UBE2D1: variants seen among roughly 807,000 people sequenced by gnomAD.
The protein encoded by UBE2D1 is ubiquitin conjugating enzyme E2 D1.
In UBE2D1, 9 loss-of-function variants were observed where a neutral mutation model predicts 24.6. That is an observed-to-expected ratio of 0.37 (90% CI 0.22 to 0.64). The LOEUF is 0.64. Among genes scored for constraint, UBE2D1 ranks in the 30% least tolerant of loss-of-function variants. The pLI is 0.64. For synonymous variants in UBE2D1, 57 were observed against 57.6 expected (o/e 0.99, Z 0.04); for missense variants, 87 against 177.1 (o/e 0.49, Z 2.89).
intron 4 of UBE2D1, 29 bp from the exon 5 acceptor site, chr10:58,364,742 C>A: frequency 1.3e-6 from 2 of 1,527,880 alleles, no homozygotes; most frequent in South Asian, 2.3e-5. Flanking sequence ...AGGTGATTGT[C>A]ATATTTTGTT....
chr10:58,368,256 A>G (rs1016662469), intron 6 of UBE2D1: 9 of 356,300 alleles, frequency 2.5e-5, no homozygotes, highest in Non-Finnish European at 4.6e-5. Context: ...ATAGATGTAT[A>G]TATTCTAGGT....
intron 1 of UBE2D1, among the ~76,000 whole-genome samples, chr10:58,340,595 T>C (rs528476539): frequency 6.6e-6 from 1 of 152,324 alleles, no homozygotes; most frequent in East Asian, 1.9e-4. Context: ...AATCCTTTAG[T>C]GGAGAGAGTG....
chr10:58,366,980 G>T (rs964408830), intron 5 of UBE2D1, among the ~76,000 whole-genome samples: 1 of 152,006 alleles, frequency 6.6e-6, no homozygotes, highest in Admixed American at 6.6e-5. Flanking sequence ...CTGCCCTGTT[G>T]GTTTAATATA....
At position 58,369,392 on chromosome 10, in the gene UBE2D1, T is replaced by C. The variant is rs769348561; in HGVS notation, c.*627T>C. 6.6e-6 allele frequency: 1 copy of C among 152,536 alleles called. No homozygotes were observed. Among genetic ancestry groups the C allele is most frequent in the Non-Finnish European group, 1.5e-5 (1 of 67,846 alleles). 9.4% of individuals were successfully genotyped at this position (152,536 alleles called of 1,614,324 possible). On this transcript the variant is annotated 3_prime_UTR_variant, in exon 7 of 7. Coordinates refer to ENST00000373910, the MANE Select transcript of UBE2D1 (RefSeq NM_003338.5). The stretch of plus-strand genomic sequence containing the variant: ...ACTGTAATTCTCAGCATACTGATTA[T>C]GGAGAAACACTTGTTTTGATTTTGT...
At chr10:58,348,243 A>G (rs946527001) in intron 1 of UBE2D1, among the ~76,000 whole-genome samples, 1 of 152,222 alleles carries the variant, frequency 6.6e-6, no homozygotes, top group Non-Finnish European at 1.5e-5. Context: ...TCACAGGCTT[A>G]AAGAGGTTCT....
Position 58,368,810 on chromosome 10 carries a change from G to T in UBE2D1, c.*45G>T. 1 of 1,403,290 alleles carries T rather than the reference G, an allele frequency of 7.1e-7. No individual in the cohort carries two copies. The highest frequency in any genetic ancestry group is 1.4e-5 in the South Asian group (1 of 73,232). 86.9% of individuals were successfully genotyped at this position (1,403,290 alleles called of 1,614,324 possible). A position where few individuals can be genotyped will look rare whatever the true frequency, so the allele number is the denominator to read the frequency against. ...ATATACCAGAGTACTGTAAAATCTA[G>T]GTTTTTTTCAACATTAGCAGTAAAT... On this transcript the variant is annotated 3_prime_UTR_variant, in exon 7 of 7. Transcript: ENST00000373910.
chr10:58,364,861 C>T lies in UBE2D1; in HGVS notation c.289C>T (p.Leu97=), dbSNP rs148706131. The change falls in exon 5 of 7, where the codon CTG becomes TTG. Residue 97 remains leucine, a synonymous_variant. Coordinates refer to ENST00000373910, the MANE Select transcript of UBE2D1 (RefSeq NM_003338.5). ...TCTGAGGTCACAATGGTCACCAGCT[C>T]TGACTGTATCAAAAGGTAATTTCAT... ...DILRSQWSPA[L]TVSKVLLSIC... is the part of the protein sequence containing the mutation. 13 of 1,612,590 alleles carry T rather than the reference C, an allele frequency of 8.1e-6. No individual in the cohort carries two copies. The African/African-American group carries it at 1.6e-4, about 20-fold the overall frequency.
intron 1 of UBE2D1, among the ~76,000 whole-genome samples, chr10:58,359,228 T>G (rs1840168014): frequency 6.6e-6 from 1 of 152,132 alleles, no homozygotes; most frequent in African/African-American, 2.4e-5. Flanking sequence ...ATTGCAGTGA[T>G]TCTAAGGTGG....
At chr10:58,367,629 T>C (rs1021293987) in intron 5 of UBE2D1, among the ~76,000 whole-genome samples, 15 of 152,160 alleles carry the variant, frequency 9.9e-5, no homozygotes, top group African/African-American at 3.6e-4. Context: ...GTTTAAAGGT[T>C]GTTAATAGCT....
At chr10:58,342,873 A>G (rs1363113053) in intron 1 of UBE2D1, among the ~76,000 whole-genome samples, 1 of 140,196 alleles carries the variant, frequency 7.1e-6, no homozygotes, top group Admixed American at 7.8e-5. Context: ...CTTGTCGCCC[A>G]GGCTGGAGTA....
intron 1 of UBE2D1, among the ~76,000 whole-genome samples, chr10:58,348,219 A>T (rs963761515): frequency 2.0e-5 from 3 of 152,210 alleles, no homozygotes; most frequent in Non-Finnish European, 4.4e-5. Flanking sequence ...TTTAAAATGC[A>T]AATGTACTTT....
At chr10:58,363,532 A>C (rs1337355640) in intron 3 of UBE2D1, 77 bp from the exon 4 acceptor site, 1 of 1,027,746 alleles carries the variant, frequency 9.7e-7, no homozygotes, top group Non-Finnish European at 1.4e-6. Flanking sequence ...CAAACTGATA[A>C]TATTTGGGGG....
chr10:58,350,787 A>C (rs1250652779), intron 1 of UBE2D1, among the ~76,000 whole-genome samples: 3 of 152,162 alleles, frequency 2.0e-5, no homozygotes, highest in Admixed American at 1.3e-4. Flanking sequence ...ATAATTTCTG[A>C]GAAATGCATC....
At chr10:58,362,901 T>A (rs1054534325) in intron 3 of UBE2D1, among the ~76,000 whole-genome samples, 6 of 152,070 alleles carry the variant, frequency 3.9e-5, no homozygotes, top group African/African-American at 1.4e-4. Flanking sequence ...TATAGTTTGC[T>A]AGCATTTTCT....
intron 6 of UBE2D1, 91 bp from the exon 7 acceptor site, chr10:58,368,629 T>G: frequency 1.3e-6 from 1 of 791,334 alleles, no homozygotes; most frequent in Non-Finnish European, 1.9e-6. Flanking sequence ...CAATTAAGTA[T>G]AAGAAGGTAG....
At chr10:58,356,503 G>T (rs368279255) in intron 1 of UBE2D1, among the ~76,000 whole-genome samples, 6 of 152,000 alleles carry the variant, frequency 3.9e-5, no homozygotes, top group East Asian at 3.9e-4. Flanking sequence ...GGACCTTTAG[G>T]TTATTTCAGT....
intron 3 of UBE2D1, among the ~76,000 whole-genome samples, chr10:58,362,308 G>A (rs1034527718): frequency 1.3e-5 from 2 of 152,130 alleles, no homozygotes; most frequent in African/African-American, 4.8e-5. Flanking sequence ...GTGAGTTACA[G>A]AGTTTTTAAT....
intron 5 of UBE2D1, 60 bp from the exon 6 acceptor site, chr10:58,367,863 A>G: frequency 1.8e-6 from 2 of 1,139,336 alleles, no homozygotes; most frequent in South Asian, 1.3e-5. Context: ...ATTTTCACAT[A>G]TGTAATTTGT....
chr10:58,336,333 G>A (rs1424508088), intron 1 of UBE2D1, among the ~76,000 whole-genome samples: 2 of 152,204 alleles, frequency 1.3e-5, no homozygotes, highest in Admixed American at 1.3e-4. Flanking sequence ...AGAAGAAATT[G>A]ATGCCCACAT....
Sources: allele counts gnomAD v4.1 joint callset (sites outside exome capture counted in the v4.1 genomes callset), GRCh38; gene constraint gnomAD v4.1.1; transcripts MANE v1.5; gene names NCBI Gene and HGNC (gene_info 2026-07-23, HGNC 2026-07-21).